ASPRV1: variants seen among roughly 807,000 people sequenced by gnomAD.
The protein encoded by ASPRV1 is aspartic peptidase retroviral like 1.
In ASPRV1, 7 loss-of-function variants were observed where a neutral mutation model predicts 11.0. The ratio of observed to expected loss-of-function variants is 0.64; its 90% CI spans 0.36 to 1.20. ASPRV1 has a LOEUF of 1.20. Among genes scored for constraint, ASPRV1 ranks in the 50% most tolerant of loss-of-function variants. The pLI, the probability that ASPRV1 is intolerant of heterozygous loss-of-function variation, is 0.02. For synonymous variants in ASPRV1, 136 were observed against 138.4 expected (o/e 0.98, Z 0.12); for missense variants, 299 against 320.0 (o/e 0.93, Z 0.50).
the ASPRV1 span, chr2:69,942,027 C>G: frequency 6.6e-6 from 1 of 152,098 alleles, no homozygotes. Flanking sequence ...ACTTTAACAT[C>G]CTGGTCTTTT....
chr2:70,023,893 A>C, the ASPRV1 span, among the ~76,000 whole-genome samples: 1 of 152,152 alleles, frequency 6.6e-6, no homozygotes, highest in East Asian at 1.9e-4. Context: ...AATAGAAGAC[A>C]AACAATAGAG....
chr2:69,998,996 G>GC, the ASPRV1 span, among the ~76,000 whole-genome samples: 14 of 152,242 alleles, frequency 9.2e-5, no homozygotes, highest in Admixed American at 2.0e-4. Flanking sequence ...CTGTCTCTGG[G>GC]CCAGGGACTG....
At chr2:69,963,439 A>G (rs1259583626), upstream of ASPRV1, 13 of 456,696 alleles carry the variant, frequency 2.8e-5, no homozygotes, top group Admixed American at 2.6e-4. Flanking sequence ...TCTGTGGCTC[A>G]AAGAACTGAT....
At chr2:70,043,142 A>C in the ASPRV1 span, among the ~76,000 whole-genome samples, 1 of 152,138 alleles carries the variant, frequency 6.6e-6, no homozygotes, top group Admixed American at 6.6e-5. Context: ...TCTCTTTGGA[A>C]GAACTCAGGC....
chr2:69,972,708 C>T, the ASPRV1 span, among the ~76,000 whole-genome samples: 6 of 152,096 alleles, frequency 3.9e-5, no homozygotes, highest in Admixed American at 2.6e-4. Flanking sequence ...TACTCTTCCT[C>T]GTCCTCCCTG....
At chr2:69,947,109 T>C in the ASPRV1 span, among the ~76,000 whole-genome samples, 5 of 152,216 alleles carry the variant, frequency 3.3e-5, no homozygotes, top group Middle Eastern at 3.2e-3. Flanking sequence ...ACTTCAAGTA[T>C]GACCTCTGAG....
the ASPRV1 span, among the ~76,000 whole-genome samples, chr2:70,082,582 T>C: frequency 6.6e-6 from 1 of 151,846 alleles, no homozygotes. Flanking sequence ...TGGCGGCACA[T>C]GCCTGTAATC....
At chr2:69,954,869 C>G in the ASPRV1 span, among the ~76,000 whole-genome samples, 4 of 152,170 alleles carry the variant, frequency 2.6e-5, no homozygotes, top group South Asian at 2.1e-4. Flanking sequence ...TCACGTCCTT[C>G]CTAGTGCAGG....
the ASPRV1 span, among the ~76,000 whole-genome samples, chr2:70,048,036 G>A: frequency 6.7e-6 from 1 of 148,920 alleles, no homozygotes; most frequent in Non-Finnish European, 1.5e-5. Context: ...TTAAATCCGG[G>A]AGGCAGAGGT....
At chr2:69,985,440 G>A in the ASPRV1 span, among the ~76,000 whole-genome samples, 4 of 152,142 alleles carry the variant, frequency 2.6e-5, no homozygotes, top group Admixed American at 6.5e-5. Context: ...CATGTGATGG[G>A]CCCTGGCCTT....
chr2:70,035,884 TTAAC>T, the ASPRV1 span, among the ~76,000 whole-genome samples: 1 of 151,708 alleles, frequency 6.6e-6, no homozygotes, highest in Non-Finnish European at 1.5e-5. Context: ...TTTTTTTTAT[TTAAC>T]TAACTCAAGC....
At chr2:69,957,498 G>C (rs1468385955), downstream of ASPRV1, among the ~76,000 whole-genome samples, 1 of 151,236 alleles carries the variant, frequency 6.6e-6, no homozygotes, top group Admixed American at 6.6e-5. Flanking sequence ...TCAGTTTGTG[G>C]TGGTCATTAT....
the ASPRV1 span, among the ~76,000 whole-genome samples, chr2:69,972,106 G>C: frequency 1.3e-5 from 2 of 151,646 alleles, no homozygotes; most frequent in African/African-American, 4.9e-5. Flanking sequence ...CTGTCACCCA[G>C]GCTGGAGTGC....
the ASPRV1 span, among the ~76,000 whole-genome samples, chr2:70,010,165 A>AT: frequency 2.0e-5 from 3 of 152,100 alleles, no homozygotes; most frequent in African/African-American, 7.2e-5. Flanking sequence ...TGCTCATGGG[A>AT]TGAGGGTATG....
At chr2:70,025,053 AAT>A in the ASPRV1 span, among the ~76,000 whole-genome samples, 1 of 152,192 alleles carries the variant, frequency 6.6e-6, no homozygotes, top group African/African-American at 2.4e-5. Context: ...CAAATTTGTC[AAT>A]GTGATTGGAT....
the ASPRV1 span, among the ~76,000 whole-genome samples, chr2:70,044,667 C>T: frequency 1.3e-5 from 2 of 152,188 alleles, no homozygotes; most frequent in Admixed American, 6.5e-5. Flanking sequence ...CCATGTTGGT[C>T]AGGCTGGTCT....
At chr2:69,939,314 A>G in the ASPRV1 span, 2 of 152,628 alleles carry the variant, frequency 1.3e-5, no homozygotes, top group Non-Finnish European at 2.9e-5. Flanking sequence ...GTACACTGTT[A>G]CTAGAACTCC....
At chr2:69,946,681 G>A in the ASPRV1 span, among the ~76,000 whole-genome samples, 7 of 152,298 alleles carry the variant, frequency 4.6e-5, no homozygotes, top group Non-Finnish European at 7.3e-5. Flanking sequence ...TACATTAGAG[G>A]GTGGGGAAGT....
the ASPRV1 span, chr2:69,937,422 C>G: frequency 1.3e-5 from 21 of 1,559,078 alleles, no homozygotes; most frequent in African/African-American, 3.0e-5. Flanking sequence ...TCCTCCCTGT[C>G]TCCCTTGTGC....
Sources: allele counts gnomAD v4.1 joint callset (sites outside exome capture counted in the v4.1 genomes callset), GRCh38; gene constraint gnomAD v4.1.1; transcripts MANE v1.5; gene names NCBI Gene and HGNC (gene_info 2026-07-23, HGNC 2026-07-21).